The following EPB41L3 variants were observed in gnomAD, a reference collection of about 807,000 sequenced individuals.
EPB41L3 encodes erythrocyte membrane protein band 4.1 like 3.
Under a neutral mutation model 127.1 loss-of-function variants are expected in EPB41L3, and 57 were observed. That is an observed-to-expected ratio of 0.45 (90% confidence interval 0.36 to 0.56). EPB41L3 has a LOEUF of 0.56. Ranked by LOEUF, EPB41L3 falls within the 20% of genes least tolerant of loss-of-function variation. EPB41L3 has a pLI of 0.00. For missense variants in EPB41L3, 1,273 were observed against 1,372.2 expected, an observed-to-expected ratio of 0.93 and a Z score of 1.14; for synonymous variants, 572 against 549.5, an observed-to-expected ratio of 1.04 and a Z score of -0.57.
At chr18:5,452,799 T>C (rs2082466632) in intron 3 of EPB41L3, among the ~76,000 whole-genome samples, 1 of 152,104 alleles carries the variant, frequency 6.6e-6, no homozygotes, top group African/African-American at 2.4e-5. Flanking sequence ...TGTGTGTGTG[T>C]GTGTGTTTTT....
chr18:5,513,788 A>G (rs1164071045), intron 1 of EPB41L3, among the ~76,000 whole-genome samples: 1 of 152,200 alleles, frequency 6.6e-6, no homozygotes. Flanking sequence ...TTAAGTACTC[A>G]GACATTAGCC....
At chr18:5,489,868 T>C (rs540664450) in intron 1 of EPB41L3, among the ~76,000 whole-genome samples, 5 of 152,288 alleles carry the variant, frequency 3.3e-5, no homozygotes, top group South Asian at 4.1e-4. Context: ...CCTATTTCCA[T>C]TGAGTGTTGA....
At chr18:5,505,500 C>CA in intron 1 of EPB41L3, among the ~76,000 whole-genome samples, 1 of 151,816 alleles carries the variant, frequency 6.6e-6, no homozygotes, top group Non-Finnish European at 1.5e-5. Context: ...TCCACACCTT[C>CA]ATCTCCACCC....
intron 3 of EPB41L3, among the ~76,000 whole-genome samples, chr18:5,473,406 C>T (rs555999240): frequency 6.6e-6 from 1 of 152,058 alleles, no homozygotes; most frequent in South Asian, 2.1e-4. Context: ...AACTGCACCA[C>T]ACAATGGCTT....
chr18:5,395,255 T>C (rs369441193), intron 20 of EPB41L3, 108 bp from the exon 21 acceptor site: 38 of 961,046 alleles, frequency 4.0e-5, no homozygotes, highest in South Asian at 5.3e-5. Flanking sequence ...TCTTCGAGAA[T>C]TGAAATTAGA....
chr18:5,438,345 A>G (rs540204524), intron 5 of EPB41L3, among the ~76,000 whole-genome samples: 8 of 152,318 alleles, frequency 5.3e-5, no homozygotes, highest in African/African-American at 1.9e-4. Flanking sequence ...ATGGAAACTG[A>G]TCAAACTTCC....
chr18:5,415,288 T>C (rs2076660936), intron 13 of EPB41L3, among the ~76,000 whole-genome samples: 1 of 152,190 alleles, frequency 6.6e-6, no homozygotes, highest in East Asian at 1.9e-4. Context: ...TAACAATGAC[T>C]GTCTGGCAAT....
chr18:5,617,447 C>T (rs988021736), intron 1 of EPB41L3, among the ~76,000 whole-genome samples: 1 of 151,886 alleles, frequency 6.6e-6, no homozygotes, highest in African/African-American at 2.4e-5. Flanking sequence ...GCCTCCCAAG[C>T]AGCTGGGACC....
chr18:5,404,951 T>C (rs973600542), intron 16 of EPB41L3, among the ~76,000 whole-genome samples: 16 of 152,354 alleles, frequency 1.1e-4, no homozygotes, highest in African/African-American at 3.1e-4. Context: ...AATCAATCAA[T>C]GTGAAATTTG....
At chr18:5,426,747 T>A (rs929983398) in intron 9 of EPB41L3, among the ~76,000 whole-genome samples, 3 of 152,152 alleles carry the variant, frequency 2.0e-5, no homozygotes, top group Non-Finnish European at 4.4e-5. Flanking sequence ...AAATAGAAAA[T>A]CCCTTAACAA....
chr18:5,538,749 G>A (rs925667299), intron 1 of EPB41L3, among the ~76,000 whole-genome samples: 1 of 152,102 alleles, frequency 6.6e-6, no homozygotes, highest in Non-Finnish European at 1.5e-5. Flanking sequence ...ATTAGAGCTG[G>A]CAGGAAAGGA....
intron 14 of EPB41L3, 103 bp from the exon 15 acceptor site, chr18:5,407,839 A>G: frequency 9.6e-7 from 1 of 1,042,628 alleles, no homozygotes. Context: ...GGGCACGTGT[A>G]CGCTCTTGCA....
At chr18:5,417,989 T>A (rs888529623) in intron 12 of EPB41L3, among the ~76,000 whole-genome samples, 3 of 152,210 alleles carry the variant, frequency 2.0e-5, no homozygotes, top group African/African-American at 7.2e-5. Flanking sequence ...TTTCAAGAAC[T>A]ATTTTCAGTA....
At chr18:5,478,194 C>T (rs774601823) in intron 3 of EPB41L3, 47 bp downstream of exon 3, 6 of 1,547,506 alleles carry the variant, frequency 3.9e-6, no homozygotes, top group Admixed American at 1.7e-5. Context: ...CCAACATTCC[C>T]CAGCTCTCAA....
At position 5,577,550 on chromosome 18, in the gene EPB41L3, G is replaced by A. The variant is rs775353509; in HGVS notation, c.-306+34790C>T. The A allele has an allele frequency of 4.7e-4, 146 of 311,978 alleles. 1 individual carries two copies. The highest frequency in any genetic ancestry group is 2.9e-3 in the African/African-American group (129 of 45,100). 19.3% of individuals were successfully genotyped at this position (311,978 alleles called of 1,614,324 possible). The stretch of plus-strand genomic sequence containing the variant: ...AATTCAACACTCCAAAAATCAAGCC[G>A]GGGCAGGAAGCAATAACTGCACAGT... On this transcript the variant is annotated intron_variant, in intron 3 of 21. Coordinates refer to the EPB41L3 transcript ENST00000545076.
At chr18:5,421,583 G>C (rs1363977827) in intron 11 of EPB41L3, among the ~76,000 whole-genome samples, 1 of 152,098 alleles carries the variant, frequency 6.6e-6, no homozygotes, top group African/African-American at 2.4e-5. Flanking sequence ...AAGCCTGTAA[G>C]AATAATTATG....
chr18:5,544,074 C>A (rs1373296676), upstream of EPB41L3: 1 of 985,396 alleles, frequency 1.0e-6, no homozygotes, highest in Non-Finnish European at 1.2e-6. Flanking sequence ...GACACCGAGG[C>A]TCCGCGGAGC....
At chr18:5,560,527 C>T (rs911316110) in intron 3 of EPB41L3, among the ~76,000 whole-genome samples, 1 of 152,164 alleles carries the variant, frequency 6.6e-6, no homozygotes, top group African/African-American at 2.4e-5. Flanking sequence ...TAAGTCAAAG[C>T]CTCAGGTAAA....
chr18:5,493,382 A>G (rs2090818023), intron 1 of EPB41L3, among the ~76,000 whole-genome samples: 1 of 152,210 alleles, frequency 6.6e-6, no homozygotes, highest in South Asian at 2.1e-4. Flanking sequence ...TCAAATGGAC[A>G]AACTTTTTAA....
Sources: gnomAD v4.1 joint callset for allele counts (sites outside exome capture counted in the v4.1 genomes callset) on GRCh38, gnomAD v4.1.1 for gene constraint, MANE v1.5 for transcripts, NCBI Gene and HGNC (gene_info 2026-07-23, HGNC 2026-07-21) for gene names.